Variants in DNAJC5 observed in about 807,000 individuals in gnomAD.
DNAJC5 encodes the protein dnaJ homolog subfamily C member 5.
DNAJC5 carries 1 observed loss-of-function variant against 23.2 expected under a neutral mutation model. That is an observed-to-expected ratio of 0.04 (90% confidence interval 0.02 to 0.20). The LOEUF (loss-of-function observed/expected upper bound fraction) is 0.20. DNAJC5 is among the 10% of genes least tolerant of loss of function. DNAJC5 has a pLI of 1.00. For synonymous variants in DNAJC5, 136 were observed against 120.0 expected (o/e 1.13, Z -0.87); for missense variants, 180 against 267.0 (o/e 0.67, Z 2.27).
intron 1 of DNAJC5, among the ~76,000 whole-genome samples, chr20:63,906,303 A>G (rs887041534): frequency 9.9e-5 from 15 of 151,990 alleles, no homozygotes; most frequent in Non-Finnish European, 2.1e-4. Context: ...CCTGGCCAAC[A>G]TGGCGAAACC....
intron 1 of DNAJC5, among the ~76,000 whole-genome samples, chr20:63,895,592 G>A (rs2053369267): frequency 6.6e-6 from 1 of 151,360 alleles, no homozygotes; most frequent in Non-Finnish European, 1.5e-5. Flanking sequence ...GGGCTGGGGC[G>A]GCGCTCTCCG....
At chr20:63,895,656 C>T (rs1246562473) in intron 1 of DNAJC5, among the ~76,000 whole-genome samples, 1 of 151,718 alleles carries the variant, frequency 6.6e-6, no homozygotes, top group Non-Finnish European at 1.5e-5. Context: ...CCCGCGGCCG[C>T]CCCCAACCCC....
chr20:63,906,602 A>T (rs779678330), intron 1 of DNAJC5, among the ~76,000 whole-genome samples: 4 of 151,692 alleles, frequency 2.6e-5, no homozygotes, highest in Non-Finnish European at 5.9e-5. Context: ...GGCTAACACG[A>T]TGAAACCCCG....
At position 63,923,057 on chromosome 20, in the gene DNAJC5, C is replaced by T. The variant is rs542923309; in HGVS notation, c.-11-5278C>T. 5.3e-5 allele frequency among the ~76,000 whole-genome samples: 8 copies of T among 152,224 alleles called. No homozygotes were observed. The East Asian group carries it at 1.5e-3, about 29-fold the overall frequency. On this transcript the variant is annotated intron_variant, in intron 1 of 4. Coordinates refer to ENST00000360864, the MANE Select transcript of DNAJC5 (RefSeq NM_025219.3). The stretch of plus-strand genomic sequence containing the variant: ...TCAGGAGGCTACGGCAGGAGAATCG[C>T]TTGAGCCTGGAAGGTGGAGGTTGCA...
rs1205269664 is a variant in DNAJC5, at chr20:63,931,574, G to A, written c.*6G>A. 17 of 1,555,606 alleles carry A rather than the reference G, an allele frequency of 1.1e-5. No homozygotes were observed. Among genetic ancestry groups the A allele is most frequent in the Non-Finnish European group, 1.5e-5 (17 of 1,154,568 alleles). On this transcript the variant is annotated 3_prime_UTR_variant, in exon 5 of 5. Transcript: ENST00000360864. The surrounding 1 kb of genome is among the most constrained non-coding windows in gnomAD (Gnocchi z 9.6). ...ACACTGACGGGTTCAACTAAATCCA[G>A]GAGGAGCTGTGGTCAGAGGAGGAGC... is the stretch of plus-strand genomic sequence containing the variant.
chr20:63,923,441 C>G (rs2053587541), intron 1 of DNAJC5, among the ~76,000 whole-genome samples: 1 of 148,130 alleles, frequency 6.8e-6, no homozygotes, highest in South Asian at 2.2e-4. Flanking sequence ...AACCTTGTTT[C>G]TAAAAAAAAA....
chr20:63,901,973 T>G (rs1171457479), intron 1 of DNAJC5, among the ~76,000 whole-genome samples: 3 of 152,180 alleles, frequency 2.0e-5, no homozygotes, highest in East Asian at 1.9e-4. Context: ...GGACTAGCTG[T>G]TAAAATCTGA....
At chr20:63,909,410 G>A (rs934374256) in intron 1 of DNAJC5, among the ~76,000 whole-genome samples, 6 of 152,254 alleles carry the variant, frequency 3.9e-5, no homozygotes, top group Admixed American at 2.0e-4. Flanking sequence ...GGCTGAGGCA[G>A]GAGAATGGCG....
intron 1 of DNAJC5, among the ~76,000 whole-genome samples, chr20:63,923,218 G>A (rs1473102974): frequency 6.6e-6 from 1 of 152,122 alleles, no homozygotes. Context: ...CACTTTGGGA[G>A]GCTGAGGCAG....
In DNAJC5 at chr20:63,920,674, T is replaced by TTTTA. The variant is rs966450131; in HGVS notation, c.-11-7645_-11-7642dup. Among the ~76,000 whole-genome samples the TTTTA allele has an allele frequency of 6.6e-6, 1 of 152,296 alleles. No individual in the cohort carries two copies. Among genetic ancestry groups the TTTTA allele is most frequent in the Admixed American group, 6.5e-5 (1 of 15,302 alleles). ...TTTTTGTTTGCTTTTAATTTTTAAT[T>TTTTA]TTTATTTATTTATTTATTTTTGAGA... On this transcript the variant is annotated intron_variant, in intron 1 of 4. Transcript: ENST00000360864. This position sits in a 1 kb window ranked among gnomAD's most constrained non-coding sequence, Gnocchi z 4.6.
chr20:63,930,600 G>A (rs1341668603), intron 3 of DNAJC5, among the ~76,000 whole-genome samples: 1 of 152,206 alleles, frequency 6.6e-6, no homozygotes, highest in Non-Finnish European at 1.5e-5. Context: ...GCCAGCCTCG[G>A]CCTCCTGGAG....
rs770998287 is a variant in DNAJC5 at position 63,931,601 on chromosome 20, G to A, written c.*33G>A. ...AGGAGCTGTGGTCAGAGGAGGAGCC[G>A]GCGCCTGGCCACGCCAACCTTAGAA... On this transcript the variant is annotated 3_prime_UTR_variant, in exon 5 of 5. Coordinates refer to ENST00000360864, the MANE Select transcript of DNAJC5 (RefSeq NM_025219.3). The surrounding 1 kb of genome is among the most constrained non-coding windows in gnomAD (Gnocchi z 9.6). 16 of 1,525,678 alleles carry A rather than the reference G, an allele frequency of 1.0e-5. No homozygotes were observed. Among genetic ancestry groups the A allele is most frequent in the African/African-American group, 8.3e-5 (6 of 72,704 alleles). The allele number at this position is 1,525,678 out of a possible 1,614,324, so 94.5% of individuals were successfully genotyped here.
chr20:63,911,017 C>T (rs1568978578), intron 1 of DNAJC5, among the ~76,000 whole-genome samples: 1 of 152,152 alleles, frequency 6.6e-6, no homozygotes, highest in Non-Finnish European at 1.5e-5. Context: ...TTTTGTTCAA[C>T]TTCTGATCTG....
chr20:63,918,801 A>G (rs558920367), intron 1 of DNAJC5, among the ~76,000 whole-genome samples: 2 of 152,254 alleles, frequency 1.3e-5, no homozygotes, highest in East Asian at 3.9e-4. Flanking sequence ...TCACTGTGTT[A>G]GCCAGGATGG....
rs1024727214 is a variant in DNAJC5, at chr20:63,895,540, G to A, written c.-12+217G>A. On this transcript the variant is annotated intron_variant, in intron 1 of 4. Coordinates refer to ENST00000360864, the MANE Select transcript of DNAJC5 (RefSeq NM_025219.3). ...GGAAGGTCGGCGCCGGGGCCTGCGGGAGCCGGGCCGGGCCGGGCCGGGGGT... is the reference window on the plus strand; with the variant it reads ...GGAAGGTCGGCGCCGGGGCCTGCGGAAGCCGGGCCGGGCCGGGCCGGGGGT... Among the ~76,000 whole-genome samples, 363 of 149,784 alleles carry A rather than the reference G, an allele frequency of 2.4e-3. 2 individuals are homozygous for A. The highest frequency in any genetic ancestry group is 8.6e-3 in the African/African-American group (353 of 41,208).
In DNAJC5 at chr20:63,928,534, C is replaced by A; in HGVS notation, c.107+82C>A. 1 of 1,171,402 alleles carries A rather than the reference C, an allele frequency of 8.5e-7. No homozygotes were observed. The highest frequency in any genetic ancestry group is 1.3e-6 in the Non-Finnish European group (1 of 783,254). The allele number at this position is 1,171,402 out of a possible 1,614,324, so 72.6% of individuals were successfully genotyped here. A position where few individuals can be genotyped will look rare whatever the true frequency, so the allele number is the denominator to read the frequency against. ...GGTTTAGTCTGCATTTTACCAAGAACCATTGCACATACTTTATCCTGGCCG... is the reference window on the plus strand; with the variant it reads ...GGTTTAGTCTGCATTTTACCAAGAAACATTGCACATACTTTATCCTGGCCG... On this transcript the variant is annotated intron_variant, in intron 2 of 4. Coordinates refer to ENST00000360864, the MANE Select transcript of DNAJC5 (RefSeq NM_025219.3). The surrounding 1 kb of genome is among the most constrained non-coding windows in gnomAD (Gnocchi z 4.6).
intron 1 of DNAJC5, among the ~76,000 whole-genome samples, chr20:63,897,653 CTACATGCTAG>C (rs2053383888): frequency 6.6e-6 from 1 of 152,182 alleles, no homozygotes; most frequent in Non-Finnish European, 1.5e-5. Flanking sequence ...AGGAAAAACC[CTACATGCTAG>C]TCCTTATACT....
intron 1 of DNAJC5, among the ~76,000 whole-genome samples, chr20:63,901,904 C>G (rs193182603): frequency 4.6e-5 from 7 of 152,244 alleles, no homozygotes; most frequent in Admixed American, 4.6e-4. Context: ...TCTGTCTTTC[C>G]CCTTTGCTTG....
At chr20:63,896,695 C>T (rs900426566) in intron 1 of DNAJC5, among the ~76,000 whole-genome samples, 2 of 152,156 alleles carry the variant, frequency 1.3e-5, no homozygotes, top group Non-Finnish European at 2.9e-5. Flanking sequence ...CTTAATTTTC[C>T]CACAGCGCTG....
Sources: gnomAD v4.1 joint callset for allele counts (sites outside exome capture counted in the v4.1 genomes callset) on GRCh38, gnomAD v4.1.1 for gene constraint, Gnocchi (gnomAD v3.1) non-coding constraint, MANE v1.5 for transcripts, NCBI Gene and HGNC (gene_info 2026-07-23, HGNC 2026-07-21) for gene names.